The following ISLR2 variants were observed in gnomAD, a reference collection of about 807,000 sequenced individuals.
ISLR2 encodes immunoglobulin superfamily containing leucine rich repeat 2, also known as immunoglobulin superfamily containing leucine-rich repeat protein 2.
Under a neutral mutation model 25.5 loss-of-function variants are expected in ISLR2, and 16 were observed. The observed-to-expected ratio is 0.63, with a 90% confidence interval of 0.43 to 0.95. The LOEUF (loss-of-function observed/expected upper bound fraction) is 0.95. Among genes scored for constraint, ISLR2 ranks in the 40% least tolerant of loss-of-function variants. The probability of loss-of-function intolerance (pLI) is 0.00; values close to 1 mark genes in which losing one functional copy is unlikely to be tolerated. For missense variants in ISLR2, 883 were observed against 1,030.7 expected (o/e 0.86, Z 1.96); for synonymous variants, 508 against 486.6 (o/e 1.04, Z -0.58).
intron 2 of ISLR2, among the ~76,000 whole-genome samples, chr15:74,105,563 A>G (rs2072113259): frequency 7.9e-6 from 1 of 126,746 alleles, no homozygotes; most frequent in Non-Finnish European, 1.7e-5. Context: ...TCTCCACCTC[A>G]CTTCATCTCA....
At position 74,134,497 on chromosome 15, in the gene ISLR2, T is replaced by G; in HGVS notation, c.1743T>G (p.Phe581Leu). ...AGEACHVQVV[F>L]STKKELPSLL... Reference sequence around the variant, plus strand: ...AAGCCTGCCACGTGCAAGTGGTGTTTTCCACCAAGAAGGAGCTCCCATCGC... The same window carrying G: ...AAGCCTGCCACGTGCAAGTGGTGTTGTCCACCAAGAAGGAGCTCCCATCGC... The change falls in exon 3 of 3, where the codon TTT (phenylalanine) becomes TTG (leucine). Residue 581 changes from phenylalanine (F) to leucine (L), a missense_variant. Physicochemically the swap from Phe to Leu is conservative, Grantham distance 22. Around this residue, in one of 2 missense-constraint regions of ISLR2, gnomAD observed 612 missense variants for 642.8 expected, o/e 0.95. Transcript: ENST00000453268. 1.9e-6 allele frequency: 3 copies of G among 1,613,714 alleles called. No individual in the cohort carries two copies. Among genetic ancestry groups the G allele is most frequent in the Non-Finnish European group, 2.5e-6 (3 of 1,179,994 alleles).
chr15:74,133,672 G>T lies in ISLR2; in HGVS notation c.918G>T (p.Gly306=), dbSNP rs2072485541. Residue 306 remains glycine (G), a synonymous_variant, in exon 3 of 3, where the codon GGG becomes GGT. Coordinates refer to ENST00000453268, the MANE Select transcript of ISLR2 (RefSeq NM_020851.3). ...AGGAAGGAGAGGGAGAAGGAGATGG[G>T]GATTTGCTGACGCAGACCCAAGCCC... is the stretch of plus-strand genomic sequence containing the variant. The part of the protein sequence containing the change: ...GAEEGEGEGD[G]DLLTQTQAQT... The T allele has an allele frequency of 6.2e-7, 1 of 1,609,332 alleles. No individual in the cohort carries two copies. The highest frequency in any genetic ancestry group is 8.5e-7 in the Non-Finnish European group (1 of 1,178,000).
chr15:74,135,002 C>G lies in ISLR2; in HGVS notation c.*10C>G. 1 of 1,607,642 alleles carries G rather than the reference C, an allele frequency of 6.2e-7. No homozygotes were observed. Among genetic ancestry groups the G allele is most frequent in the South Asian group, 1.1e-5 (1 of 90,468 alleles). ...GCAGACGGCAGGCTGAACCTCCGCC[C>G]GTCCGGCCCGCCCATTCCCGACCTC... On this transcript the variant is annotated 3_prime_UTR_variant, in exon 3 of 3. Transcript: ENST00000453268.
At chr15:74,136,810 C>A (rs1269245458), downstream of ISLR2, 3 of 167,016 alleles carry the variant, frequency 1.8e-5, no homozygotes, top group Admixed American at 2.0e-4. Context: ...GAACTGGGCT[C>A]GGTGACTTTT....
intron 2 of ISLR2, among the ~76,000 whole-genome samples, chr15:74,111,712 A>T (rs766828173): frequency 4.6e-5 from 7 of 152,104 alleles, no homozygotes; most frequent in Non-Finnish European, 7.3e-5. Flanking sequence ...CTGGAACTAC[A>T]AGCCCGTGCC....
intron 1 of ISLR2, among the ~76,000 whole-genome samples, chr15:74,103,448 A>C (rs1323645503): frequency 5.0e-5 from 7 of 140,508 alleles, no homozygotes; most frequent in African/African-American, 8.5e-5. Context: ...CTAAAAACAA[A>C]ATCAAAATTA....
upstream of ISLR2, among the ~76,000 whole-genome samples, chr15:74,124,723 C>T (rs1567157358): frequency 6.6e-6 from 1 of 151,988 alleles, no homozygotes; most frequent in Non-Finnish European, 1.5e-5. Context: ...TGTGCCACCG[C>T]ACTTCAGCCT....
chr15:74,135,056 A>AG lies in ISLR2; in HGVS notation c.*67dup. The AG allele has an allele frequency of 6.4e-7, 1 of 1,556,430 alleles. No homozygotes were observed. Among genetic ancestry groups the AG allele is most frequent in the Non-Finnish European group, 8.7e-7 (1 of 1,147,866 alleles). On this transcript the variant is annotated 3_prime_UTR_variant, in exon 3 of 3. Coordinates refer to ENST00000453268, the MANE Select transcript of ISLR2 (RefSeq NM_020851.3). Reference sequence around the variant, plus strand: ...CTAGGGTGCCTGGGAGCAGCAGTCTAGGGCTGGCAGGACTTATGTCCCCCG... The same window carrying AG: ...CTAGGGTGCCTGGGAGCAGCAGTCTAGGGGCTGGCAGGACTTATGTCCCCCG...
chr15:74,135,410 G>T lies in ISLR2; in HGVS notation c.*418G>T, dbSNP rs921475065. On this transcript the variant is annotated 3_prime_UTR_variant, in exon 3 of 3. Coordinates refer to ENST00000453268, the MANE Select transcript of ISLR2 (RefSeq NM_020851.3). ...TCGCGGTAACGCGGTGGTTTCGGGG[G>T]CCAGCCAAGGCCAGTGGAGTGCTGT... 16 of 217,676 alleles carry T rather than the reference G, an allele frequency of 7.4e-5. No homozygotes were observed. Among genetic ancestry groups the T allele is most frequent in the Admixed American group, 3.6e-4 (7 of 19,342 alleles). The allele number at this position is 217,676 out of a possible 1,614,324, so 13.5% of individuals were successfully genotyped here. A position where few individuals can be genotyped will look rare whatever the true frequency, so the allele number is the denominator to read the frequency against.
chr15:74,137,132 G>A (rs930378527), downstream of ISLR2, among the ~76,000 whole-genome samples: 1 of 152,148 alleles, frequency 6.6e-6, no homozygotes, highest in Non-Finnish European at 1.5e-5. Context: ...AAGGGTGTGC[G>A]GCACCCTCTT....
Position 74,135,947 on chromosome 15 carries a change from G to C in ISLR2, c.*955G>C, listed in dbSNP as rs1298356441. On this transcript the variant is annotated 3_prime_UTR_variant, in exon 3 of 3. Transcript: ENST00000453268. ...CTTCTGGCCAGTTGGAGTCCAGCCC[G>C]GTGCCTGGGGCGCCTTTCAGCTCCG... 2.5e-5 allele frequency: 4 copies of C among 162,512 alleles called. No individual in the cohort carries two copies. Among genetic ancestry groups the C allele is most frequent in the African/African-American group, 9.9e-5 (4 of 40,274 alleles). 10.1% of individuals were successfully genotyped at this position (162,512 alleles called of 1,614,324 possible).
At chr15:74,108,400 C>T (rs563364820) in intron 2 of ISLR2, among the ~76,000 whole-genome samples, 15 of 152,304 alleles carry the variant, frequency 9.8e-5, no homozygotes, top group Non-Finnish European at 1.9e-4. Context: ...CGCACAGCAG[C>T]TGGGGGCACC....
At chr15:74,118,644 CTATTAT>C (rs112112565) in intron 2 of ISLR2, among the ~76,000 whole-genome samples, 27 of 145,758 alleles carry the variant, frequency 1.9e-4, no homozygotes, top group Admixed American at 3.4e-4. Context: ...AAATCTGAAG[CTATTAT>C]TATTATTATT....
chr15:74,134,767 C>A lies in ISLR2; in HGVS notation c.2013C>A (p.Asp671Glu), dbSNP rs143526022. 37 of 1,613,768 alleles carry A rather than the reference C, an allele frequency of 2.3e-5. No individual in the cohort carries two copies. In the African/African-American group the frequency reaches 3.7e-4, roughly 16 times the overall value. Residue 671 changes from aspartate to glutamate, a missense_variant, in exon 3 of 3, where the codon GAC becomes GAA. By Grantham distance (45) the Asp-to-Glu change is conservative. Around this residue, in one of 2 missense-constraint regions of ISLR2, gnomAD observed 612 missense variants for 642.8 expected, o/e 0.95. Coordinates refer to ENST00000453268, the MANE Select transcript of ISLR2 (RefSeq NM_020851.3). ...AGGCGGGCGGCGAGGAGCCAGAGGA[C>A]GTGCAGGGGGAGGGCCTTGATGAAG... Reference protein sequence around the residue: ...GGEAGGEEPEDVQGEGLDEDA... With the variant: ...GGEAGGEEPEEVQGEGLDEDA...
downstream of ISLR2, among the ~76,000 whole-genome samples, chr15:74,138,746 G>T (rs2072594876): frequency 6.6e-6 from 1 of 152,192 alleles, no homozygotes; most frequent in South Asian, 2.1e-4. Flanking sequence ...CCTGGTCACA[G>T]CCCAACACTG....
At chr15:74,126,763 T>C (rs1337163410), upstream of ISLR2, 1 of 152,196 alleles carries the variant, frequency 6.6e-6, no homozygotes, top group Non-Finnish European at 1.5e-5. Context: ...GCCTGACGAC[T>C]ACATAGAACC....
chr15:74,102,111 A>ACTGG (rs2072085070), intron 1 of ISLR2, among the ~76,000 whole-genome samples: 1 of 145,620 alleles, frequency 6.9e-6, no homozygotes, highest in Non-Finnish European at 1.5e-5. Context: ...TCCCAGCCTC[A>ACTGG]GGAGACTGAG....
At chr15:74,104,672 G>C (rs559946043) in intron 2 of ISLR2, among the ~76,000 whole-genome samples, 11 of 152,244 alleles carry the variant, frequency 7.2e-5, no homozygotes, top group African/African-American at 2.6e-4. Context: ...AGTCCCAGCT[G>C]CTGAGGTGGG....
At chr15:74,107,370 G>A (rs1339749546) in intron 2 of ISLR2, among the ~76,000 whole-genome samples, 1 of 152,234 alleles carries the variant, frequency 6.6e-6, no homozygotes, top group African/African-American at 2.4e-5. Flanking sequence ...CAGGGTGCAG[G>A]TGGGCCCAGC....
Sources: gnomAD v4.1 joint callset for allele counts (sites outside exome capture counted in the v4.1 genomes callset) on GRCh38, gnomAD v4.1.1 for gene constraint, gnomAD v4.1.1 regional missense constraint, MANE v1.5 for transcripts, NCBI Gene and HGNC (gene_info 2026-07-23, HGNC 2026-07-21) for gene names.